Variants in FCGRT observed in about 807,000 individuals in gnomAD.
The protein encoded by FCGRT is Fc gamma receptor and transporter.
In FCGRT, 13 loss-of-function variants were observed where a neutral mutation model predicts 35.7. That is an observed-to-expected ratio of 0.36 (90% CI 0.24 to 0.58). FCGRT has a LOEUF of 0.58. Ranked by LOEUF, FCGRT falls within the 20% of genes least tolerant of loss-of-function variation. The pLI is 0.77. For synonymous variants in FCGRT, 233 were observed against 216.5 expected (o/e 1.08, Z -0.67); for missense variants, 455 against 474.9 (o/e 0.96, Z 0.39).
At position 49,526,046 on chromosome 19, in the gene FCGRT, T is replaced by C. The variant is rs776091911; in HGVS notation, c.1025T>C (p.Val342Ala). 103 of 1,613,078 alleles carry C rather than the reference T, an allele frequency of 6.4e-5. No homozygotes were observed. Among genetic ancestry groups the C allele is most frequent in the Non-Finnish European group, 8.6e-5 (101 of 1,179,524 alleles). ...TCCCTTCGTGGAGACGACACCGGGG[T>C]CCTCCTGCCCACCCCAGGGGAGGCC... is the stretch of plus-strand genomic sequence containing the variant. Reference protein sequence around the residue: ...WISLRGDDTGVLLPTPGEAQD... With the variant: ...WISLRGDDTGALLPTPGEAQD... The change falls in exon 7 of 7, where the codon GTC (valine) becomes GCC (alanine). Residue 342 changes from valine to alanine, a missense_variant. Around this residue, in one of 3 missense-constraint regions of FCGRT, gnomAD observed 312 missense variants for 296.1 expected, o/e 1.05. Coordinates refer to ENST00000221466, the MANE Select transcript of FCGRT (RefSeq NM_001136019.3).
At chr19:49,522,617 A>G (rs2080047933) in intron 4 of FCGRT, among the ~76,000 whole-genome samples, 1 of 150,390 alleles carries the variant, frequency 6.6e-6, no homozygotes, top group Non-Finnish European at 1.5e-5. Context: ...TATTTTTAGT[A>G]GAGATGGGAT....
intron 4 of FCGRT, among the ~76,000 whole-genome samples, chr19:49,520,198 C>T (rs150849265): frequency 0.052 from 7,200 of 137,560 alleles, 256 homozygotes; most frequent in Middle Eastern, 0.1. Flanking sequence ...AGCACGATCT[C>T]GGCTCACTGC....
intron 4 of FCGRT, among the ~76,000 whole-genome samples, chr19:49,517,502 G>T (rs1399105185): frequency 2.0e-5 from 3 of 151,544 alleles, no homozygotes; most frequent in Admixed American, 6.6e-5. Context: ...AAGAAAGAAG[G>T]AAAGAAAGAG....
At chr19:49,516,547 G>A (rs1351908729) in intron 4 of FCGRT, among the ~76,000 whole-genome samples, 2 of 143,582 alleles carry the variant, frequency 1.4e-5, no homozygotes, top group African/African-American at 5.5e-5. Flanking sequence ...CACTGCTCCT[G>A]GCCTTTGTTG....
intron 4 of FCGRT, among the ~76,000 whole-genome samples, chr19:49,522,287 C>T (rs1307172170): frequency 1.3e-5 from 2 of 151,816 alleles, no homozygotes; most frequent in Non-Finnish European, 2.9e-5. Flanking sequence ...TACTGTTTGC[C>T]CAGGCTGGTC....
intron 4 of FCGRT, among the ~76,000 whole-genome samples, chr19:49,515,636 A>G (rs907457180): frequency 2.0e-5 from 3 of 152,186 alleles, no homozygotes; most frequent in Non-Finnish European, 4.4e-5. Context: ...TATGCTGCCC[A>G]GGCCAGACTC....
At position 49,524,503 on chromosome 19, in the gene FCGRT, G is replaced by A. The variant is rs1210639125; in HGVS notation, c.602-4G>A. The stretch of plus-strand genomic sequence containing the variant: ...CTTAGGCCTGTCTGCCTGATTTCCT[G>A]CAGAGCCCCCCTCCATGCGCCTGAA... On this transcript the variant is annotated splice_polypyrimidine_tract_variant and splice_region_variant and intron_variant, in intron 4 of 6. Coordinates refer to ENST00000221466, the MANE Select transcript of FCGRT (RefSeq NM_001136019.3). 1.2e-6 allele frequency: 2 copies of A among 1,603,888 alleles called. No homozygotes were observed. The highest frequency in any genetic ancestry group is 2.2e-5 in the South Asian group (2 of 90,872).
chr19:49,523,321 C>T (rs1418082251), intron 4 of FCGRT, among the ~76,000 whole-genome samples: 1 of 152,082 alleles, frequency 6.6e-6, no homozygotes, highest in African/African-American at 2.4e-5. Context: ...GTAATCCCAG[C>T]ACTTTGGGAG....
In FCGRT at chr19:49,526,055, C is replaced by A. The variant is rs894180076; in HGVS notation, c.1034C>A (p.Pro345His). 1.9e-6 allele frequency: 3 copies of A among 1,613,510 alleles called. No individual in the cohort carries two copies. The highest frequency in any genetic ancestry group is 2.5e-6 in the Non-Finnish European group (3 of 1,179,698). The change falls in exon 7 of 7, where the codon CCC becomes CAC. Residue 345 changes from proline to histidine, a missense_variant. By Grantham distance (77) the Pro-to-His change is moderately conservative (BLOSUM62 -2). Coordinates refer to ENST00000221466, the MANE Select transcript of FCGRT (RefSeq NM_001136019.3). The part of the protein sequence containing the change: ...LRGDDTGVLL[P>H]TPGEAQDADL... ...GGAGACGACACCGGGGTCCTCCTGC[C>A]CACCCCAGGGGAGGCCCAGGATGCT... is the stretch of plus-strand genomic sequence containing the variant.
chr19:49,514,517 T>C, intron 4 of FCGRT, 31 bp downstream of exon 4: 1 of 1,518,786 alleles, frequency 6.6e-7, no homozygotes, highest in Non-Finnish European at 8.8e-7. Flanking sequence ...CAGGCTGTTC[T>C]GTCCTCTCTC....
At chr19:49,517,932 C>T (rs2080017979) in intron 4 of FCGRT, among the ~76,000 whole-genome samples, 1 of 152,050 alleles carries the variant, frequency 6.6e-6, no homozygotes, top group Admixed American at 6.6e-5. Context: ...ACCTCGTGAT[C>T]CACCCACCTT....
At chr19:49,514,174 C>T in intron 3 of FCGRT, 37 bp from the exon 4 acceptor site, 1 of 1,610,396 alleles carries the variant, frequency 6.2e-7, no homozygotes, top group South Asian at 1.1e-5. Context: ...CGGGTCCATG[C>T]TCCGGGGCCC....
chr19:49,513,737 T>TGGG (rs2079988280), intron 2 of FCGRT, 145 bp from the exon 3 acceptor site: 2 of 257,954 alleles, frequency 7.8e-6, no homozygotes, highest in East Asian at 6.9e-5. Flanking sequence ...TGGGTCTCTG[T>TGGG]CCCCCCCCCC....
At chr19:49,525,725 AGAGAGAGGGGGAC>A (rs759349811) in intron 6 of FCGRT, 152 bp downstream of exon 6, 13 of 662,156 alleles carry the variant, frequency 2.0e-5, no homozygotes, top group Non-Finnish European at 3.2e-5. Context: ...ACAGAGGTGC[AGAGAGAGGGGGAC>A]GGAGACAGAG....
At chr19:49,525,046 C>T in intron 5 of FCGRT, 1 of 605,686 alleles carries the variant, frequency 1.7e-6, no homozygotes, top group South Asian at 1.6e-5. Flanking sequence ...GACCATCTTC[C>T]ATCCTGCTGC....
chr19:49,513,779 C>T (rs2122661032), intron 2 of FCGRT, 103 bp from the exon 3 acceptor site: 1 of 497,886 alleles, frequency 2.0e-6, no homozygotes. Flanking sequence ...CTGAATCTGT[C>T]CCCCTCCCTC....
intron 4 of FCGRT, among the ~76,000 whole-genome samples, chr19:49,523,357 A>G (rs2122694421): frequency 6.6e-6 from 1 of 152,168 alleles, no homozygotes; most frequent in African/African-American, 2.4e-5. Flanking sequence ...TCACAATGTC[A>G]GGAATTTGAG....
At position 49,514,324 on chromosome 19, in the gene FCGRT, C is replaced by T; in HGVS notation, c.439C>T (p.Gln147Ter). 1 of 1,613,572 alleles carries T rather than the reference C, an allele frequency of 6.2e-7. No homozygotes were observed. The highest frequency in any genetic ancestry group is 8.5e-7 in the Non-Finnish European group (1 of 1,179,852). ...GGAGTTCATGAATTTCGACCTCAAGCAGGGCACCTGGGGTGGGGACTGGCC... is the reference window on the plus strand; with the variant it reads ...GGAGTTCATGAATTTCGACCTCAAGTAGGGCACCTGGGGTGGGGACTGGCC... ...GEEFMNFDLK[Q>*]GTWGGDWPEA... Residue 147 changes from glutamine (Q) to a stop codon, truncating the protein, a stop_gained, in exon 4 of 7, where the codon CAG becomes TAG. Transcript: ENST00000221466. LOFTEE classifies it high-confidence loss of function.
intron 1 of FCGRT, 38 bp from the exon 2 acceptor site, chr19:49,513,349 G>A: frequency 2.0e-6 from 2 of 985,064 alleles, no homozygotes; most frequent in Non-Finnish European, 2.7e-6. Context: ...GGGGCGGGCC[G>A]GGGGTCGGGA....
Sources: gnomAD v4.1 joint callset for allele counts (sites outside exome capture counted in the v4.1 genomes callset) on GRCh38, gnomAD v4.1.1 for gene constraint, gnomAD v4.1.1 regional missense constraint, MANE v1.5 for transcripts, NCBI Gene and HGNC (gene_info 2026-07-23, HGNC 2026-07-21) for gene names.